Variants in FANCA observed in about 807,000 individuals in gnomAD.
FANCA encodes the protein Fanconi anemia group A protein.
In FANCA, 236 loss-of-function variants were observed where a neutral mutation model predicts 194.3. That is an observed-to-expected ratio of 1.21 (90% CI 1.09 to 1.35). The LOEUF is 1.35. FANCA is among the 40% of genes most tolerant of loss of function. The pLI, the probability that FANCA is intolerant of heterozygous loss-of-function variation, is 0.00. For synonymous variants in FANCA, 1,014 were observed against 715.8 expected, an observed-to-expected ratio of 1.42 and a Z score of -6.65; for missense variants, 2,628 against 1,813.9, an observed-to-expected ratio of 1.45 and a Z score of -8.15.
chr16:89,807,076 C>G (rs2040683537), intron 6 of FANCA, among the ~76,000 whole-genome samples: 1 of 152,044 alleles, frequency 6.6e-6, no homozygotes, highest in Non-Finnish European at 1.5e-5. Flanking sequence ...ATTGAAACCT[C>G]TAATGATTAT....
At chr16:89,801,369 T>C (rs2040448110) in intron 8 of FANCA, among the ~76,000 whole-genome samples, 1 of 146,960 alleles carries the variant, frequency 6.8e-6, no homozygotes, top group African/African-American at 2.5e-5. Flanking sequence ...AAAGCCAATG[T>C]CACTAATCAT....
chr16:89,780,062 G>A, intron 17 of FANCA, 105 bp from the exon 18 acceptor site: 2 of 1,020,216 alleles, frequency 2.0e-6, no homozygotes, highest in Non-Finnish European at 3.0e-6. Flanking sequence ...GAAAGGCTCT[G>A]TACACATTAA....
chr16:89,761,884 C>A (rs1048908356), intron 29 of FANCA, 65 bp downstream of exon 29: 3 of 1,352,030 alleles, frequency 2.2e-6, no homozygotes, highest in South Asian at 2.3e-5. Flanking sequence ...CTCAGCCTCC[C>A]AAAGTGCTGG....
intron 30 of FANCA, among the ~76,000 whole-genome samples, chr16:89,754,201 G>C (rs2038693848): frequency 6.6e-6 from 1 of 150,860 alleles, no homozygotes; most frequent in Non-Finnish European, 1.5e-5. Context: ...CAGCCTGGGT[G>C]ACAGAGCGAG....
Position 89,759,264 on chromosome 16 carries a change from G to T in FANCA, c.2853-559C>A, listed in dbSNP as rs145342307. Among the ~76,000 whole-genome samples the T allele has an allele frequency of 8.1e-3, 1,107 of 136,672 alleles. 15 individuals are homozygous for T. Among genetic ancestry groups the T allele is most frequent in the African/African-American group, 0.029 (1,056 of 36,752 alleles). 89.7% of individuals were successfully genotyped at this position (136,672 alleles called of 152,430 possible). A position where few individuals can be genotyped will look rare whatever the true frequency, so the allele number is the denominator to read the frequency against. ...GAACCTGGGAGGTGGAGCTTGCAGTGAGCTGAGATCATGCCACTGCACTCC... is the reference window on the plus strand; with the variant it reads ...GAACCTGGGAGGTGGAGCTTGCAGTTAGCTGAGATCATGCCACTGCACTCC... On this transcript the variant is annotated intron_variant, in intron 29 of 42. Coordinates refer to ENST00000389301, the MANE Select transcript of FANCA (RefSeq NM_000135.4).
At position 89,738,373 on chromosome 16, in the gene FANCA, C is replaced by A; in HGVS notation, c.*228G>T. ...GCCCGCCCTTGGTGCTGGAGGCGGG[C>A]TTGGTGTCCGGCTCAAGTAGCCTTC... On this transcript the variant is annotated 3_prime_UTR_variant, in exon 43 of 43. Coordinates refer to ENST00000389301, the MANE Select transcript of FANCA (RefSeq NM_000135.4). 6.9e-7 allele frequency: 1 copy of A among 1,439,582 alleles called. No homozygotes were observed. 89.2% of individuals were successfully genotyped at this position (1,439,582 alleles called of 1,614,324 possible).
At chr16:89,784,001 T>A (rs2039811026) in intron 15 of FANCA, among the ~76,000 whole-genome samples, 1 of 152,088 alleles carries the variant, frequency 6.6e-6, no homozygotes, top group Non-Finnish European at 1.5e-5. Flanking sequence ...CCTCAAGTGA[T>A]CTGCCCTCCT....
intron 5 of FANCA, among the ~76,000 whole-genome samples, chr16:89,810,370 C>G (rs2040829605): frequency 6.7e-6 from 1 of 150,216 alleles, no homozygotes; most frequent in Non-Finnish European, 1.5e-5. Context: ...GAGACCCTGT[C>G]TCTGGAAAAA....
At chr16:89,781,758 G>C (rs963440125) in intron 17 of FANCA, among the ~76,000 whole-genome samples, 1 of 151,554 alleles carries the variant, frequency 6.6e-6, no homozygotes, top group Non-Finnish European at 1.5e-5. Context: ...CCAGCACTTT[G>C]AGAGGCCGAG....
intron 40 of FANCA, 82 bp downstream of exon 40, chr16:89,739,396 C>G: frequency 6.4e-7 from 1 of 1,569,596 alleles, no homozygotes. Context: ...ACAACCCTTC[C>G]CATCTGGCGG....
At chr16:89,740,582 G>A in intron 38 of FANCA, 2 of 570,020 alleles carry the variant, frequency 3.5e-6, no homozygotes, top group Non-Finnish European at 3.1e-6. Context: ...GTTGCAGTGA[G>A]CTGAGATCAC....
Position 89,810,817 on chromosome 16 carries a change from T to C in FANCA, c.427-15A>G. The C allele has an allele frequency of 6.2e-7, 1 of 1,612,472 alleles. No homozygotes were observed. ...GACAGCTTCTTCTGAAAAGAGAGAT[T>C]ACATTTTTTAAAAAACAAATTACCT... On this transcript the variant is annotated splice_polypyrimidine_tract_variant and intron_variant, in intron 4 of 42. Transcript: ENST00000389301.
chr16:89,789,802 G>C (rs1220195382), intron 14 of FANCA, among the ~76,000 whole-genome samples: 1 of 152,122 alleles, frequency 6.6e-6, no homozygotes, highest in Non-Finnish European at 1.5e-5. Flanking sequence ...AGCACTAAAA[G>C]AGAAACCATG....
Position 89,738,331 on chromosome 16 carries a change from G to C in FANCA, c.*270C>G, listed in dbSNP as rs1425905846. The C allele has an allele frequency of 1.3e-6, 2 of 1,498,136 alleles. No individual in the cohort carries two copies. Among genetic ancestry groups the C allele is most frequent in the Admixed American group, 2.1e-5 (1 of 48,346 alleles). 92.8% of individuals were successfully genotyped at this position (1,498,136 alleles called of 1,614,324 possible). ...TCACCCTTCGTGTGCACCCGCATGG[G>C]AGGGTCGGAGGGTGCTGCCCGCCCT... On this transcript the variant is annotated 3_prime_UTR_variant, in exon 43 of 43. Transcript: ENST00000389301.
chr16:89,781,146 C>T (rs1362610152), intron 17 of FANCA, among the ~76,000 whole-genome samples: 2 of 152,114 alleles, frequency 1.3e-5, no homozygotes, highest in African/African-American at 4.8e-5. Context: ...AGACGGATCA[C>T]GAGGTCAGGA....
At chr16:89,774,754 A>AAAAAAAG (rs34932314) in intron 21 of FANCA, among the ~76,000 whole-genome samples, 1 of 145,718 alleles carries the variant, frequency 6.9e-6, no homozygotes, top group East Asian at 2.0e-4. Flanking sequence ...AAAAAAAAAA[A>AAAAAAAG]TCTCAACGAG....
intron 27 of FANCA, among the ~76,000 whole-genome samples, chr16:89,765,489 C>A (rs530549223): frequency 6.6e-6 from 1 of 152,280 alleles, no homozygotes; most frequent in East Asian, 1.9e-4. Flanking sequence ...TTCCTGCCAT[C>A]TGACTGCTTC....
At position 89,796,489 on chromosome 16, in the gene FANCA, T is replaced by A. The variant is rs1395772965; in HGVS notation, c.894-471A>T. 2.0e-5 allele frequency among the ~76,000 whole-genome samples: 3 copies of A among 152,054 alleles called. No individual in the cohort carries two copies. The East Asian group carries it at 5.8e-4, about 29-fold the overall frequency. On this transcript the variant is annotated intron_variant, in intron 10 of 42. Transcript: ENST00000389301. The stretch of plus-strand genomic sequence containing the variant: ...ACAACAGGGACTGAGGCCAGCTCTG[T>A]CCATGAAGATGAGGAAGGAATGGAA...
At chr16:89,780,184 G>T (rs888354784) in intron 17 of FANCA, among the ~76,000 whole-genome samples, 4 of 152,112 alleles carry the variant, frequency 2.6e-5, no homozygotes, top group Admixed American at 2.0e-4. Context: ...CACACACAAG[G>T]TTCAGACCCC....
Sources: allele counts gnomAD v4.1 joint callset (sites outside exome capture counted in the v4.1 genomes callset), GRCh38; gene constraint gnomAD v4.1.1; transcripts MANE v1.5; gene names NCBI Gene and HGNC (gene_info 2026-07-23, HGNC 2026-07-21).